The following SSUH2 variants were observed in gnomAD, a reference collection of about 807,000 sequenced individuals.
The protein encoded by SSUH2 is protein SSUH2 homolog.
Under a neutral mutation model 55.3 loss-of-function variants are expected in SSUH2, and 47 were observed. The observed-to-expected ratio is 0.85, with a 90% CI of 0.67 to 1.08. SSUH2 has a LOEUF of 1.08. Among genes scored for constraint, SSUH2 ranks in the 50% least tolerant of loss-of-function variants. SSUH2 has a pLI of 0.00. For missense variants in SSUH2, 535 were observed against 490.7 expected, an observed-to-expected ratio of 1.09 and a Z score of -0.85; for synonymous variants, 212 against 191.5, an observed-to-expected ratio of 1.11 and a Z score of -0.89.
At chr3:8,633,239 T>G (rs1036002144) in intron 4 of SSUH2, among the ~76,000 whole-genome samples, 1 of 150,970 alleles carries the variant, frequency 6.6e-6, no homozygotes, top group African/African-American at 2.4e-5. Context: ...CGCCTCCCAG[T>G]TTCAAGCAAT....
In SSUH2 at chr3:8,619,559, C is replaced by T. The variant is rs756234816; in HGVS notation, c.*309G>A. On this transcript the variant is annotated 3_prime_UTR_variant, in exon 12 of 12. Transcript: ENST00000544814. ...AAAGGGAAAAAGCAAAATCAAATCA[C>T]ACGCATCATCGGGGCATTAACTTGG... is the stretch of plus-strand genomic sequence containing the variant. 21 of 267,880 alleles carry T rather than the reference C, an allele frequency of 7.8e-5. No homozygotes were observed. Among genetic ancestry groups the T allele is most frequent in the Non-Finnish European group, 1.1e-4 (16 of 143,636 alleles). 16.6% of individuals were successfully genotyped at this position (267,880 alleles called of 1,614,324 possible).
chr3:8,631,039 A>T, intron 5 of SSUH2, 110 bp from the exon 6 acceptor site: 15 of 1,152,438 alleles, frequency 1.3e-5, no homozygotes, highest in Non-Finnish European at 1.7e-5. Flanking sequence ...ATGAGTCTAG[A>T]TCCTGGGGCT....
chr3:8,671,905 A>G (rs62244204), exon 4 of SSUH2: 10,283 of 146,638 alleles, frequency 0.07, 379 homozygotes, highest in Middle Eastern at 0.096. Flanking sequence ...TGGATATTAC[A>G]ATCCACGGTG....
At chr3:8,672,652 C>T (rs1704724151) in intron 3 of SSUH2, among the ~76,000 whole-genome samples, 1 of 151,974 alleles carries the variant, frequency 6.6e-6, no homozygotes, top group Admixed American at 6.6e-5. Context: ...ATACTAGGAA[C>T]AATATCAGAA....
chr3:8,639,832 G>A (rs1373214994), intron 1 of SSUH2: 1 of 305,400 alleles, frequency 3.3e-6, no homozygotes. Context: ...CAGGTGTGAG[G>A]GCCCCTTTTG....
At chr3:8,679,284 G>GT (rs540811691) in intron 2 of SSUH2, among the ~76,000 whole-genome samples, 1 of 106,910 alleles carries the variant, frequency 9.4e-6, no homozygotes, top group African/African-American at 3.3e-5. Flanking sequence ...CCCCATCGGA[G>GT]GGGGGGAGCC....
At chr3:8,633,994 T>C in intron 3 of SSUH2, 199 bp from the exon 4 acceptor site, 1 of 1,587,374 alleles carries the variant, frequency 6.3e-7, no homozygotes, top group Non-Finnish European at 8.6e-7. Flanking sequence ...GGGCAGGTTT[T>C]CCTAGAGAAC....
intron 1 of SSUH2, among the ~76,000 whole-genome samples, chr3:8,638,895 A>G (rs1700373754): frequency 6.6e-6 from 1 of 152,198 alleles, no homozygotes. Flanking sequence ...TGACGAGAAG[A>G]CAGGGAAATA....
At chr3:8,628,123 G>C (rs952638781) in intron 7 of SSUH2, among the ~76,000 whole-genome samples, 1 of 152,120 alleles carries the variant, frequency 6.6e-6, no homozygotes, top group Non-Finnish European at 1.5e-5. Flanking sequence ...GAGACAGGGG[G>C]CTCCTTTTGA....
intron 3 of SSUH2, among the ~76,000 whole-genome samples, chr3:8,676,447 G>T (rs1167273041): frequency 6.6e-6 from 1 of 150,586 alleles, no homozygotes; most frequent in East Asian, 2.1e-4. Context: ...AATATCCCTG[G>T]GGGGTTTCCA....
upstream of SSUH2, among the ~76,000 whole-genome samples, chr3:8,645,565 AC>A (rs1479480221): frequency 2.6e-5 from 4 of 151,884 alleles, no homozygotes; most frequent in Admixed American, 1.3e-4. Context: ...TATGGGTCCC[AC>A]CCCCTCCACT....
chr3:8,680,625 A>G (rs926273888), intron 1 of SSUH2, among the ~76,000 whole-genome samples: 7 of 152,046 alleles, frequency 4.6e-5, no homozygotes, highest in Non-Finnish European at 1.0e-4. Context: ...TGAAAGTAAT[A>G]TCATCTTCTT....
intron 3 of SSUH2, among the ~76,000 whole-genome samples, chr3:8,673,002 A>G (rs1484122825): frequency 6.6e-6 from 1 of 152,172 alleles, no homozygotes; most frequent in Non-Finnish European, 1.5e-5. Flanking sequence ...GGTATTAGGC[A>G]TAATATTCAT....
chr3:8,632,015 C>T (rs1251457594), intron 5 of SSUH2, 34 bp downstream of exon 5: 1 of 1,576,452 alleles, frequency 6.3e-7, no homozygotes, highest in Non-Finnish European at 8.7e-7. Flanking sequence ...ACTTATTTGC[C>T]CCCAGTTAAA....
intron 2 of SSUH2, among the ~76,000 whole-genome samples, chr3:8,677,725 C>T (rs1405439327): frequency 6.6e-6 from 1 of 150,742 alleles, no homozygotes; most frequent in Admixed American, 6.6e-5. Context: ...GCCTTGGCAG[C>T]AACTGCCCTG....
chr3:8,669,356 A>G (rs994069444), intron 5 of SSUH2, among the ~76,000 whole-genome samples: 1 of 152,264 alleles, frequency 6.6e-6, no homozygotes, highest in Non-Finnish European at 1.5e-5. Flanking sequence ...GATTGAATAA[A>G]TAACAAGTAA....
At chr3:8,655,564 C>T (rs1055877865) in intron 7 of SSUH2, among the ~76,000 whole-genome samples, 8 of 152,238 alleles carry the variant, frequency 5.3e-5, no homozygotes, top group Non-Finnish European at 1.2e-4. Flanking sequence ...CCCAAGGTCT[C>T]AGTGGGTCAT....
intron 2 of SSUH2, among the ~76,000 whole-genome samples, chr3:8,678,327 C>G (rs1705585411): frequency 6.6e-6 from 1 of 152,060 alleles, no homozygotes; most frequent in Non-Finnish European, 1.5e-5. Context: ...ACCTCGTGCT[C>G]TATTATGGGG....
At chr3:8,636,937 C>G (rs1700020753) in intron 1 of SSUH2, among the ~76,000 whole-genome samples, 1 of 152,188 alleles carries the variant, frequency 6.6e-6, no homozygotes, top group Non-Finnish European at 1.5e-5. Context: ...GGATTCAAAC[C>G]TAGACTCGTC....
Sources: gnomAD v4.1 joint callset for allele counts (sites outside exome capture counted in the v4.1 genomes callset) on GRCh38, gnomAD v4.1.1 for gene constraint, MANE v1.5 for transcripts, NCBI Gene and HGNC (gene_info 2026-07-23, HGNC 2026-07-21) for gene names.